Variants in DNAJC1 observed in about 807,000 individuals in gnomAD.
The protein encoded by DNAJC1 is DnaJ heat shock protein family (Hsp40) member C1, also known as dnaJ homolog subfamily C member 1.
Under a neutral mutation model 76.6 loss-of-function variants are expected in DNAJC1, and 58 were observed. The ratio of observed to expected loss-of-function variants is 0.76; its 90% confidence interval spans 0.61 to 0.94. DNAJC1 has a LOEUF of 0.94. Ranked by LOEUF, DNAJC1 falls within the 40% of genes least tolerant of loss-of-function variation. The probability of loss-of-function intolerance (pLI) is 0.00; values close to 1 mark genes in which losing one functional copy is unlikely to be tolerated. For synonymous variants in DNAJC1, 258 were observed against 267.9 expected, an observed-to-expected ratio of 0.96 and a Z score of 0.36; for missense variants, 689 against 677.3, an observed-to-expected ratio of 1.02 and a Z score of -0.19.
intron 1 of DNAJC1, among the ~76,000 whole-genome samples, chr10:21,983,939 A>G (rs1321998450): frequency 2.0e-5 from 3 of 152,206 alleles, no homozygotes; most frequent in Non-Finnish European, 4.4e-5. Context: ...TACATTATGT[A>G]TATTTTACTA....
intron 8 of DNAJC1, among the ~76,000 whole-genome samples, chr10:21,839,525 C>T (rs994485965): frequency 6.6e-6 from 1 of 152,196 alleles, no homozygotes; most frequent in Admixed American, 6.5e-5. Flanking sequence ...TTCCTTGACA[C>T]CTACATCCTC....
intron 8 of DNAJC1, among the ~76,000 whole-genome samples, chr10:21,830,065 T>A (rs1835331741): frequency 6.6e-6 from 1 of 152,142 alleles, no homozygotes; most frequent in African/African-American, 2.4e-5. Flanking sequence ...TTCTCCCATC[T>A]TCTAAGTGTT....
intron 9 of DNAJC1, among the ~76,000 whole-genome samples, chr10:21,795,617 G>A (rs1425274189): frequency 6.6e-6 from 1 of 152,198 alleles, no homozygotes; most frequent in Admixed American, 6.5e-5. Context: ...AAACTGGATT[G>A]TGGCGATTTC....
chr10:21,896,671 G>A (rs192544024), intron 7 of DNAJC1, among the ~76,000 whole-genome samples: 163 of 152,074 alleles, frequency 1.1e-3, no homozygotes, highest in African/African-American at 3.3e-3. Context: ...AATGAGTTAC[G>A]GCTTTGGGGG....
intron 8 of DNAJC1, 37 bp downstream of exon 8, chr10:21,882,245 T>C (rs1363307295): frequency 1.3e-6 from 2 of 1,566,666 alleles, no homozygotes; most frequent in South Asian, 1.2e-5. Flanking sequence ...TTTCTGTACA[T>C]GTTTTACTCA....
chr10:21,928,967 A>T, intron 2 of DNAJC1, 73 bp downstream of exon 2: 1 of 920,682 alleles, frequency 1.1e-6, no homozygotes, highest in Non-Finnish European at 1.6e-6. Context: ...TCCATATATA[A>T]GTGAATATTT....
chr10:21,983,843 T>A (rs1440306001), intron 1 of DNAJC1, among the ~76,000 whole-genome samples: 1 of 151,890 alleles, frequency 6.6e-6, no homozygotes. Flanking sequence ...GTATTAGAAA[T>A]GAATAATGAA....
At chr10:21,918,740 A>G (rs753175372) in intron 6 of DNAJC1, 39 bp downstream of exon 6, 1 of 1,462,878 alleles carries the variant, frequency 6.8e-7, no homozygotes, top group Admixed American at 1.7e-5. Flanking sequence ...GTGATTAAAA[A>G]TAAAAGATCT....
chr10:21,944,685 G>A (rs1471055272), intron 1 of DNAJC1, among the ~76,000 whole-genome samples: 1 of 152,072 alleles, frequency 6.6e-6, no homozygotes, highest in Admixed American at 6.5e-5. Flanking sequence ...AGAAAGAATC[G>A]AGTGTAAAAA....
chr10:21,878,929 T>G (rs895618853), intron 8 of DNAJC1, among the ~76,000 whole-genome samples: 19 of 152,062 alleles, frequency 1.2e-4, no homozygotes, highest in Non-Finnish European at 2.5e-4. Context: ...TGTGCTATAT[T>G]TATAAAGTAT....
intron 8 of DNAJC1, among the ~76,000 whole-genome samples, chr10:21,873,809 T>C (rs1836143574): frequency 6.6e-6 from 1 of 152,212 alleles, no homozygotes; most frequent in African/African-American, 2.4e-5. Context: ...CAAATCTAGG[T>C]TGATGAGAAC....
chr10:21,782,185 G>A (rs899291173), intron 9 of DNAJC1, among the ~76,000 whole-genome samples: 3 of 152,086 alleles, frequency 2.0e-5, no homozygotes, highest in African/African-American at 7.2e-5. Context: ...TCAAATAGAT[G>A]CAATAAAAAA....
At chr10:21,854,477 CA>C (rs1835802246) in intron 8 of DNAJC1, among the ~76,000 whole-genome samples, 1 of 151,366 alleles carries the variant, frequency 6.6e-6, no homozygotes, top group African/African-American at 2.4e-5. Context: ...CTTACCTCTA[CA>C]AAAATAAAAT....
At chr10:21,767,857 C>T (rs903900988) in intron 9 of DNAJC1, among the ~76,000 whole-genome samples, 16 of 152,016 alleles carry the variant, frequency 1.1e-4, no homozygotes, top group Non-Finnish European at 2.1e-4. Flanking sequence ...TATCCAGGCA[C>T]GGTGGCACAC....
At chr10:21,792,118 G>A (rs1392369584) in intron 9 of DNAJC1, among the ~76,000 whole-genome samples, 1 of 152,172 alleles carries the variant, frequency 6.6e-6, no homozygotes, top group Non-Finnish European at 1.5e-5. Context: ...AACCGCTGAT[G>A]TGAATGAAAT....
At chr10:21,837,600 G>A (rs1240254291) in intron 8 of DNAJC1, among the ~76,000 whole-genome samples, 27 of 150,792 alleles carry the variant, frequency 1.8e-4, no homozygotes, top group Admixed American at 1.4e-3. Flanking sequence ...CTGCCCGGCC[G>A]CCCCATCTGA....
intron 1 of DNAJC1, among the ~76,000 whole-genome samples, chr10:21,958,228 G>C (rs572814504): frequency 6.6e-6 from 1 of 152,098 alleles, no homozygotes; most frequent in East Asian, 1.9e-4. Context: ...ATTGAGAAAT[G>C]AAGGTTTTTT....
chr10:21,816,999 A>G (rs1157845369), intron 8 of DNAJC1, among the ~76,000 whole-genome samples: 1 of 139,662 alleles, frequency 7.2e-6, no homozygotes, highest in East Asian at 2.1e-4. Context: ...CTAAAAATAC[A>G]AAAAAAAAAA....
chr10:21,906,832 G>T (rs1292534699), intron 6 of DNAJC1, among the ~76,000 whole-genome samples: 1 of 150,240 alleles, frequency 6.7e-6, no homozygotes, highest in Non-Finnish European at 1.5e-5. Context: ...CTGGGAAACA[G>T]TTAGAATGAT....
Sources: allele counts gnomAD v4.1 joint callset (sites outside exome capture counted in the v4.1 genomes callset), GRCh38; gene constraint gnomAD v4.1.1; transcripts MANE v1.5; gene names NCBI Gene and HGNC (gene_info 2026-07-23, HGNC 2026-07-21).